Variants in POPDC3 observed in about 807,000 individuals in gnomAD.
POPDC3 encodes the protein popeye domain-containing protein 3.
In POPDC3, 20 loss-of-function variants were observed where a neutral mutation model predicts 28.2. The ratio of observed to expected loss-of-function variants is 0.71; its 90% confidence interval spans 0.50 to 1.03. The LOEUF (loss-of-function observed/expected upper bound fraction) is 1.03. Ranked by LOEUF, POPDC3 falls within the 50% of genes least tolerant of loss-of-function variation. The probability of loss-of-function intolerance (pLI) is 0.00; values close to 1 mark genes in which losing one functional copy is unlikely to be tolerated. For missense variants in POPDC3, 316 were observed against 345.9 expected, an observed-to-expected ratio of 0.91 and a Z score of 0.69; for synonymous variants, 118 against 124.1, an observed-to-expected ratio of 0.95 and a Z score of 0.33.
chr6:105,163,985 T>C (rs1019688898), intron 1 of POPDC3, among the ~76,000 whole-genome samples: 1 of 152,160 alleles, frequency 6.6e-6, no homozygotes, highest in African/African-American at 2.4e-5. Flanking sequence ...AGCACAAAAT[T>C]TTATTCTACT....
Position 105,161,829 on chromosome 6 carries a change from T to A in POPDC3, c.81A>T (p.Gly27=), listed in dbSNP as rs754204076. ...AAATACTGGCAAGATGATAAATGGC[T>A]CCTTCGGCCTCTTGCTTCCAGGTTG... ...VCTTWKQEAE[G]AIYHLASILF... is the part of the protein sequence containing the mutation. The change falls in exon 2 of 4, where the codon GGA becomes GGT. Residue 27 remains glycine, a synonymous_variant. Transcript: ENST00000254765. The A allele has an allele frequency of 6.2e-7, 1 of 1,614,186 alleles. No homozygotes were observed. The highest frequency in any genetic ancestry group is 8.5e-7 in the Non-Finnish European group (1 of 1,180,042).
chr6:105,160,886 T>G (rs561347556), intron 2 of POPDC3, among the ~76,000 whole-genome samples: 2 of 152,150 alleles, frequency 1.3e-5, no homozygotes, highest in African/African-American at 2.4e-5. Flanking sequence ...CAGGTGTTTT[T>G]GGGATTACAG....
chr6:105,170,659 C>G (rs1045949351), intron 1 of POPDC3, among the ~76,000 whole-genome samples: 1 of 152,160 alleles, frequency 6.6e-6, no homozygotes, highest in South Asian at 2.1e-4. Context: ...CAACTAGAGT[C>G]AATTCCACTG....
At chr6:105,176,170 A>G (rs1774679438) in intron 1 of POPDC3, among the ~76,000 whole-genome samples, 1 of 152,246 alleles carries the variant, frequency 6.6e-6, no homozygotes, top group African/African-American at 2.4e-5. Context: ...AAAACTTTAG[A>G]TAAATTCAAT....
intron 1 of POPDC3, chr6:105,163,890 CATCA>C (rs1357097909): frequency 6.6e-6 from 1 of 152,156 alleles, no homozygotes; most frequent in African/African-American, 2.4e-5. Flanking sequence ...TTATTCTCCC[CATCA>C]ATCAATCTAC....
chr6:105,171,131 T>C (rs965886876), intron 1 of POPDC3, among the ~76,000 whole-genome samples: 7 of 152,224 alleles, frequency 4.6e-5, no homozygotes, highest in African/African-American at 1.7e-4. Flanking sequence ...TGTTTGCATT[T>C]TGCATTTTGC....
chr6:105,159,619 T>C, intron 3 of POPDC3, 92 bp downstream of exon 3: 1 of 711,738 alleles, frequency 1.4e-6, no homozygotes, highest in Non-Finnish European at 2.4e-6. Flanking sequence ...AATATTCTTG[T>C]CTTATCCACT....
At chr6:105,166,039 T>G (rs1223123678) in intron 1 of POPDC3, among the ~76,000 whole-genome samples, 2 of 152,210 alleles carry the variant, frequency 1.3e-5, no homozygotes, top group African/African-American at 2.4e-5. Flanking sequence ...AGCAAAAAAC[T>G]AAGTTGTTCA....
At chr6:105,163,210 T>A (rs944525487) in intron 1 of POPDC3, among the ~76,000 whole-genome samples, 4 of 152,186 alleles carry the variant, frequency 2.6e-5, no homozygotes, top group African/African-American at 9.7e-5. Flanking sequence ...TTATTTCAGG[T>A]TAAAGCTTGC....
At chr6:105,164,948 C>T (rs774508162) in intron 1 of POPDC3, among the ~76,000 whole-genome samples, 3 of 152,180 alleles carry the variant, frequency 2.0e-5, no homozygotes, top group Non-Finnish European at 2.9e-5. Context: ...GCAAAGTAAA[C>T]CTGCTGGCAA....
In POPDC3 at chr6:105,162,011, T is replaced by TC; in HGVS notation, c.-103dup. ...CCATCATGAGAGTTTTGTGCAGTCT[T>TC]CACAAAACCAGAGAAAACGGACACT... On this transcript the variant is annotated 5_prime_UTR_variant, in exon 2 of 4. Transcript: ENST00000254765. The TC allele has an allele frequency of 6.6e-7, 1 of 1,508,270 alleles. No individual in the cohort carries two copies. Among genetic ancestry groups the TC allele is most frequent in the Non-Finnish European group, 8.8e-7 (1 of 1,135,460 alleles). 93.4% of individuals were successfully genotyped at this position (1,508,270 alleles called of 1,614,324 possible).
chr6:105,161,484 G>C lies in POPDC3; in HGVS notation c.426C>G (p.His142Gln). The change falls in exon 2 of 4, where the codon CAC becomes CAG. Residue 142 changes from histidine (H) to glutamine (Q), a missense_variant. His to Gln is a conservative substitution (Grantham distance 24, BLOSUM62 0). Transcript: ENST00000254765. ...SSEVVTLEKE[H>Q]CYAMQGKTSI... is the part of the protein sequence containing the mutation. ...AAGTTTTCCCCTGCATGGCATAACA[G>C]TGTTCCTTTTCCAAAGTAACCACTT... The C allele has an allele frequency of 6.2e-7, 1 of 1,614,154 alleles. No individual in the cohort carries two copies.
At chr6:105,160,085 T>C (rs1355500232) in intron 2 of POPDC3, 1 of 268,080 alleles carries the variant, frequency 3.7e-6, no homozygotes, top group Admixed American at 5.0e-5. Flanking sequence ...CATTTATATA[T>C]GTCCATTTAT....
intron 1 of POPDC3, among the ~76,000 whole-genome samples, chr6:105,173,991 G>C (rs967952708): frequency 1.3e-5 from 2 of 152,128 alleles, no homozygotes; most frequent in South Asian, 4.1e-4. Flanking sequence ...TACACTTCAG[G>C]AATATAAAGG....
In POPDC3 at chr6:105,158,575, G is replaced by A. The variant is rs146013025; in HGVS notation, c.771C>T (p.His257=). 194 of 1,614,094 alleles carry A rather than the reference G, an allele frequency of 1.2e-4. 1 individual carries two copies. The South Asian group carries it at 1.9e-3, about 16-fold the overall frequency. ...AGAAGTTGGGTAGCCGAATATCATAGTGATATCTTTTTCCTATATATACCC... is the reference window on the plus strand; with the variant it reads ...AGAAGTTGGGTAGCCGAATATCATAATGATATCTTTTTCCTATATATACCC... ...NDRVYIGKRY[H]YDIRLPNFYQ... Residue 257 remains histidine (H), a synonymous_variant, in exon 4 of 4, where the codon CAC becomes CAT. Transcript: ENST00000254765.
Position 105,159,746 on chromosome 6 carries a change from C to A in POPDC3, c.559G>T (p.Asp187Tyr). 1.2e-6 allele frequency: 2 copies of A among 1,613,516 alleles called. No homozygotes were observed. The highest frequency in any genetic ancestry group is 1.1e-5 in the South Asian group (1 of 91,028). The change falls in exon 3 of 4, where the codon GAT becomes TAT. Residue 187 changes from aspartate to tyrosine, a missense_variant. Asp to Tyr is a radical substitution (Grantham distance 160). Coordinates refer to ENST00000254765, the MANE Select transcript of POPDC3 (RefSeq NM_022361.5). Reference protein sequence around the residue: ...PLQFLDSPEWDSLRPTEEGIF... With the variant: ...PLQFLDSPEWYSLRPTEEGIF... The stretch of plus-strand genomic sequence containing the variant: ...CCTTCCTCTGTGGGTCTCAGTGAAT[C>A]CCACTCAGGAGAATCCAGGAACTGA...
At chr6:105,171,007 G>C (rs145747175) in intron 1 of POPDC3, among the ~76,000 whole-genome samples, 4 of 152,288 alleles carry the variant, frequency 2.6e-5, no homozygotes, top group Non-Finnish European at 4.4e-5. Flanking sequence ...TTAAATCCTA[G>C]AATGAGCATG....
At chr6:105,175,301 G>A (rs1381773513) in intron 1 of POPDC3, among the ~76,000 whole-genome samples, 1 of 151,970 alleles carries the variant, frequency 6.6e-6, no homozygotes, top group African/African-American at 2.4e-5. Context: ...CACTTTGGGA[G>A]GCTGAGGTGG....
chr6:105,163,468 T>C (rs1774393659), intron 1 of POPDC3, among the ~76,000 whole-genome samples: 2 of 152,238 alleles, frequency 1.3e-5, no homozygotes. Context: ...ATTCATGACA[T>C]TGATTTTTTA....
Sources: allele counts gnomAD v4.1 joint callset (sites outside exome capture counted in the v4.1 genomes callset), GRCh38; gene constraint gnomAD v4.1.1; transcripts MANE v1.5; gene names NCBI Gene and HGNC (gene_info 2026-07-23, HGNC 2026-07-21).